Variants in WWOX observed in about 807,000 individuals in gnomAD.
WWOX encodes WW domain-containing oxidoreductase.
WWOX carries 69 observed loss-of-function variants against 46.2 expected under a neutral mutation model. That is an observed-to-expected ratio of 1.49 (90% CI 1.23 to 1.82). WWOX has a LOEUF of 1.82. WWOX is among the 40% of genes most tolerant of loss of function. The probability of loss-of-function intolerance (pLI) is 0.00; values close to 1 mark genes in which losing one functional copy is unlikely to be tolerated. For synonymous variants in WWOX, 359 were observed against 202.6 expected (o/e 1.77, Z -6.56); for missense variants, 919 against 542.6 (o/e 1.69, Z -6.89).
At chr16:78,197,481 T>C (rs868570187) in intron 5 of WWOX, among the ~76,000 whole-genome samples, 35 of 152,162 alleles carry the variant, frequency 2.3e-4, no homozygotes, top group African/African-American at 6.8e-4. Flanking sequence ...GTCTTTGGGA[T>C]TAAAAATTTT....
At position 78,812,418 on chromosome 16, in the gene WWOX, A is replaced by G. The variant is rs182485747; in HGVS notation, c.1056+379666A>G. ...TTCTTGAAAATATTTGTTAAAAAAA[A>G]CCCAAAAACAGAAACATATCTGACT... On this transcript the variant is annotated intron_variant, in intron 8 of 8. Transcript: ENST00000566780. Among the ~76,000 whole-genome samples the G allele has an allele frequency of 5.9e-5, 9 of 152,178 alleles. No individual in the cohort carries two copies. In the East Asian group the frequency reaches 1.7e-3, roughly 29 times the overall value.
chr16:78,794,756 A>G (rs907095339), intron 8 of WWOX, among the ~76,000 whole-genome samples: 6 of 152,208 alleles, frequency 3.9e-5, no homozygotes, highest in Admixed American at 2.0e-4. Context: ...GCTGGAGAAG[A>G]TGGAGACCCA....
chr16:79,128,185 C>T (rs1054863756), intron 8 of WWOX, among the ~76,000 whole-genome samples: 3 of 152,228 alleles, frequency 2.0e-5, no homozygotes, highest in Admixed American at 2.0e-4. Context: ...ATAAAACGCC[C>T]TGCCAGAATC....
At chr16:78,596,215 C>G (rs1338110111) in intron 8 of WWOX, among the ~76,000 whole-genome samples, 1 of 152,148 alleles carries the variant, frequency 6.6e-6, no homozygotes, top group African/African-American at 2.4e-5. Flanking sequence ...CAAAGTCACC[C>G]TGTATGGTTG....
intron 6 of WWOX, among the ~76,000 whole-genome samples, chr16:78,415,367 TG>T (rs2082774963): frequency 6.6e-6 from 1 of 152,128 alleles, no homozygotes; most frequent in Admixed American, 6.5e-5. Context: ...TGGTGGGTTT[TG>T]GCCGGCTTCT....
chr16:79,073,858 G>A (rs142262686), intron 8 of WWOX, among the ~76,000 whole-genome samples: 2 of 152,260 alleles, frequency 1.3e-5, no homozygotes, highest in African/African-American at 2.4e-5. Context: ...TTAAGCTTAT[G>A]TCTGTTCCAG....
chr16:78,389,211 C>G (rs374654751), intron 6 of WWOX, among the ~76,000 whole-genome samples: 3 of 152,214 alleles, frequency 2.0e-5, no homozygotes, highest in Non-Finnish European at 2.9e-5. Flanking sequence ...CCAGAACTAT[C>G]AAGAGGCACC....
Position 78,132,186 on chromosome 16 carries a change from G to A in WWOX, c.409+17032G>A, listed in dbSNP as rs1275734118. Among the ~76,000 whole-genome samples, 8 of 151,448 alleles carry A rather than the reference G, an allele frequency of 5.3e-5. No individual in the cohort carries two copies. In the South Asian group the frequency reaches 6.3e-4, roughly 12 times the overall value. On this transcript the variant is annotated intron_variant, in intron 4 of 8. Transcript: ENST00000566780. ...ACTACAGGTGCCCGCCACCACGCCCGGCTAATTTTTTTGTATTTTTTAGTA... is the reference window on the plus strand; with the variant it reads ...ACTACAGGTGCCCGCCACCACGCCCAGCTAATTTTTTTGTATTTTTTAGTA...
At chr16:79,022,610 C>G (rs377469624) in intron 8 of WWOX, among the ~76,000 whole-genome samples, 2 of 152,084 alleles carry the variant, frequency 1.3e-5, no homozygotes, top group Non-Finnish European at 2.9e-5. Flanking sequence ...GGATGTCAGT[C>G]CCAGTTTTAA....
intron 8 of WWOX, among the ~76,000 whole-genome samples, chr16:78,952,225 T>A (rs975469364): frequency 7.2e-5 from 11 of 152,114 alleles, no homozygotes. Context: ...TTACTTTGCC[T>A]CTACTCAGTC....
Position 78,817,687 on chromosome 16 carries a change from A to T in WWOX, c.1056+384935A>T, listed in dbSNP as rs557799071. On this transcript the variant is annotated intron_variant, in intron 8 of 8. Transcript: ENST00000566780. ...GGGATGAGTCTTTGTGTGGTGGCAA[A>T]CGGGCCCTGTCTTCGCTTGGCTTCC... 9.2e-5 allele frequency among the ~76,000 whole-genome samples: 14 copies of T among 152,146 alleles called. No individual in the cohort carries two copies. In the East Asian group the frequency reaches 2.7e-3, roughly 30 times the overall value.
chr16:78,951,005 G>A lies in WWOX; in HGVS notation c.1057-260603G>A, dbSNP rs181655654. 4.3e-3 allele frequency among the ~76,000 whole-genome samples: 661 copies of A among 152,272 alleles called. 5 individuals carry two copies. The highest frequency in any genetic ancestry group is 0.014 in the South Asian group (68 of 4,824). On this transcript the variant is annotated intron_variant, in intron 8 of 8. Transcript: ENST00000566780. ...CCTCTCTTAATTCACCACCCTGTTAGCTTCATCTCAGGCCAGACATTGTAG... is the reference window on the plus strand; with the variant it reads ...CCTCTCTTAATTCACCACCCTGTTAACTTCATCTCAGGCCAGACATTGTAG...
chr16:78,663,262 C>T (rs997334469), intron 8 of WWOX, among the ~76,000 whole-genome samples: 2 of 152,172 alleles, frequency 1.3e-5, no homozygotes, highest in African/African-American at 4.8e-5. Context: ...ACGTGGCCAA[C>T]TGACTTCTTT....
intron 5 of WWOX, among the ~76,000 whole-genome samples, chr16:78,379,205 G>C (rs757648213): frequency 2.0e-5 from 3 of 151,466 alleles, no homozygotes; most frequent in Non-Finnish European, 4.4e-5. Context: ...ATGCAAATTA[G>C]AGCTTTTTAA....
intron 6 of WWOX, among the ~76,000 whole-genome samples, chr16:78,393,124 C>T (rs1391313493): frequency 2.0e-5 from 3 of 152,156 alleles, no homozygotes; most frequent in Non-Finnish European, 2.9e-5. Flanking sequence ...CTTCCTACTG[C>T]CTGGCAGCAG....
intron 8 of WWOX, among the ~76,000 whole-genome samples, chr16:78,663,905 G>A (rs2047271778): frequency 6.6e-6 from 1 of 152,184 alleles, no homozygotes; most frequent in Non-Finnish European, 1.5e-5. Flanking sequence ...TGGGTTTGGA[G>A]CCAACAGGGA....
rs1383681726 is a variant in WWOX at position 78,333,250 on chromosome 16, G to A, written c.517-53610G>A. Among the ~76,000 whole-genome samples, 13 of 151,754 alleles carry A rather than the reference G, an allele frequency of 8.6e-5. No homozygotes were observed. The East Asian group carries it at 2.5e-3, about 30-fold the overall frequency. On this transcript the variant is annotated intron_variant, in intron 5 of 8. Transcript: ENST00000566780. Reference sequence around the variant, plus strand: ...TTTTTGGTAGAGACGGCGTTTCACCGTGTTGGCCAGGCTTGTCTCAACCCC... The same window carrying A: ...TTTTTGGTAGAGACGGCGTTTCACCATGTTGGCCAGGCTTGTCTCAACCCC...
intron 5 of WWOX, among the ~76,000 whole-genome samples, chr16:78,339,019 C>T (rs2080954525): frequency 8.3e-6 from 1 of 120,016 alleles, no homozygotes; most frequent in Non-Finnish European, 2.0e-5. Flanking sequence ...ATTTTCTAGT[C>T]TTAGATATTA....
At chr16:78,199,394 A>T (rs1450412691) in intron 5 of WWOX, among the ~76,000 whole-genome samples, 1 of 152,186 alleles carries the variant, frequency 6.6e-6, no homozygotes, top group East Asian at 1.9e-4. Context: ...GATTGACTGT[A>T]AAATATGAGA....
Sources: allele counts gnomAD v4.1 joint callset (sites outside exome capture counted in the v4.1 genomes callset), GRCh38; gene constraint gnomAD v4.1.1; transcripts MANE v1.5; gene names NCBI Gene and HGNC (gene_info 2026-07-23, HGNC 2026-07-21).